Variants in TRIP12 observed in about 807,000 individuals in gnomAD.
TRIP12 encodes E3 ubiquitin-protein ligase TRIP12.
In TRIP12, 25 loss-of-function variants were observed where a neutral mutation model predicts 244.2. That is an observed-to-expected ratio of 0.10 (90% CI 0.07 to 0.14). The LOEUF is 0.14. Among genes scored for constraint, TRIP12 ranks in the 10% least tolerant of loss-of-function variants. The pLI is 1.00. For missense variants in TRIP12, 1,677 were observed against 2,486.4 expected (o/e 0.67, Z 6.92); for synonymous variants, 905 against 873.1 (o/e 1.04, Z -0.64).
intron 2 of TRIP12, among the ~76,000 whole-genome samples, chr2:229,876,603 C>A (rs1302570359): frequency 1.3e-5 from 2 of 152,174 alleles, no homozygotes; most frequent in Non-Finnish European, 2.9e-5. Context: ...CTACTTAAAC[C>A]AACACATCTT....
intron 1 of TRIP12, among the ~76,000 whole-genome samples, chr2:229,909,512 T>C (rs1262311820): frequency 5.9e-5 from 9 of 151,462 alleles, no homozygotes; most frequent in Admixed American, 5.9e-4. Context: ...GAGCAGTGAC[T>C]GTGCCACTGG....
intron 4 of TRIP12, among the ~76,000 whole-genome samples, chr2:229,845,665 CA>C (rs1390936306): frequency 1.3e-5 from 2 of 151,922 alleles, no homozygotes; most frequent in African/African-American, 4.8e-5. Context: ...GGGTAGATAT[CA>C]AAAAAATTGC....
chr2:229,864,195 T>C (rs1051308195), intron 2 of TRIP12, among the ~76,000 whole-genome samples: 34 of 152,140 alleles, frequency 2.2e-4, no homozygotes, highest in Non-Finnish European at 4.9e-4. Flanking sequence ...GGCTGATATG[T>C]TAAAAATAAG....
At chr2:229,874,059 A>C (rs1223521631) in intron 2 of TRIP12, among the ~76,000 whole-genome samples, 2 of 151,962 alleles carry the variant, frequency 1.3e-5, no homozygotes, top group East Asian at 1.9e-4. Flanking sequence ...TAAAAAAAAA[A>C]CAGAAAAAAA....
At chr2:229,887,167 C>T (rs1365371708) in intron 1 of TRIP12, among the ~76,000 whole-genome samples, 5 of 152,118 alleles carry the variant, frequency 3.3e-5, no homozygotes, top group Non-Finnish European at 5.9e-5. Context: ...TGATCCTTTG[C>T]CATTTGGTAA....
chr2:229,816,622 G>C (rs943742643), intron 9 of TRIP12, among the ~76,000 whole-genome samples: 11 of 152,266 alleles, frequency 7.2e-5, no homozygotes, highest in African/African-American at 2.4e-4. Context: ...GAGCATACTT[G>C]TGCAAGTCAA....
intron 18 of TRIP12, 88 bp from the exon 19 acceptor site, chr2:229,804,315 T>A: frequency 8.5e-7 from 1 of 1,181,254 alleles, no homozygotes; most frequent in South Asian, 1.6e-5. Flanking sequence ...CAAGCCAGTG[T>A]AATTCTTGAA....
chr2:229,906,734 A>G (rs1215924282), intron 1 of TRIP12, among the ~76,000 whole-genome samples: 1 of 151,834 alleles, frequency 6.6e-6, no homozygotes, highest in Non-Finnish European at 1.5e-5. Flanking sequence ...CAAAAAAAAA[A>G]AAAGAAAAAA....
chr2:229,815,851 A>G (rs1032623786), intron 9 of TRIP12, among the ~76,000 whole-genome samples: 3 of 152,212 alleles, frequency 2.0e-5, no homozygotes, highest in Non-Finnish European at 2.9e-5. Context: ...GAAACTAATT[A>G]TGCACTAATT....
chr2:229,853,139 T>C (rs941396782), intron 4 of TRIP12, among the ~76,000 whole-genome samples: 5 of 152,154 alleles, frequency 3.3e-5, no homozygotes, highest in African/African-American at 1.2e-4. Flanking sequence ...AGTCTTTACC[T>C]AAGGAAACAC....
intron 2 of TRIP12, among the ~76,000 whole-genome samples, chr2:229,863,179 C>T (rs542777934): frequency 3.4e-5 from 5 of 148,896 alleles, no homozygotes; most frequent in African/African-American, 7.4e-5. Flanking sequence ...CAGTGAGCCG[C>T]GATCGTGTCA....
chr2:229,809,701 TC>T (rs1273906491), intron 15 of TRIP12, among the ~76,000 whole-genome samples: 1 of 152,004 alleles, frequency 6.6e-6, no homozygotes, highest in Non-Finnish European at 1.5e-5. Context: ...AGCACTTTCT[TC>T]AGGACCACTC....
chr2:229,870,489 T>G (rs1309315973), intron 2 of TRIP12, among the ~76,000 whole-genome samples: 1 of 152,216 alleles, frequency 6.6e-6, no homozygotes, highest in South Asian at 2.1e-4. Context: ...AATGTTACAG[T>G]GCTTTGGGAT....
At chr2:229,813,804 A>C (rs1215328419) in intron 13 of TRIP12, 66 bp downstream of exon 13, 1 of 1,161,518 alleles carries the variant, frequency 8.6e-7, no homozygotes, top group East Asian at 3.3e-5. Context: ...AAATAAAATA[A>C]AATATAAAAT....
chr2:229,863,566 G>A (rs1465573763), intron 2 of TRIP12, among the ~76,000 whole-genome samples: 2 of 152,136 alleles, frequency 1.3e-5, no homozygotes, highest in South Asian at 2.1e-4. Flanking sequence ...CAGCCCATGC[G>A]CTATAGTTTT....
rs533339544 is a variant in TRIP12, at chr2:229,915,709, T to A, written c.-50+6171A>T. On this transcript the variant is annotated intron_variant, in intron 1 of 41. Coordinates refer to ENST00000675903, the MANE Select transcript of TRIP12 (RefSeq NM_001348323.3). ...TTGTATACTAAAAAAAAAAAAAAAT[T>A]TTTTGAGACAGGGTCTCACGGTCAC... is the stretch of plus-strand genomic sequence containing the variant. Among the ~76,000 whole-genome samples the A allele has an allele frequency of 1.8e-4, 27 of 151,720 alleles. No homozygotes were observed. In the South Asian group the frequency reaches 4.2e-3, roughly 23 times the overall value.
intron 6 of TRIP12, among the ~76,000 whole-genome samples, chr2:229,833,356 C>A (rs1350482031): frequency 2.2e-4 from 33 of 152,156 alleles, no homozygotes; most frequent in Non-Finnish European, 5.9e-5. Flanking sequence ...GTGCAATTTA[C>A]AGCTCACTGC....
At chr2:229,842,266 T>C (rs1400145589) in intron 4 of TRIP12, among the ~76,000 whole-genome samples, 2 of 152,322 alleles carry the variant, frequency 1.3e-5, no homozygotes, top group African/African-American at 2.4e-5. Flanking sequence ...ATTTTCTACA[T>C]AGCATACTGC....
intron 37 of TRIP12, among the ~76,000 whole-genome samples, chr2:229,776,960 C>T (rs2036451406): frequency 6.6e-6 from 1 of 152,112 alleles, no homozygotes; most frequent in East Asian, 1.9e-4. Flanking sequence ...AATTAAGCTA[C>T]CTTTTTTGAA....
Sources: gnomAD v4.1 joint callset for allele counts (sites outside exome capture counted in the v4.1 genomes callset) on GRCh38, gnomAD v4.1.1 for gene constraint, MANE v1.5 for transcripts, NCBI Gene and HGNC (gene_info 2026-07-23, HGNC 2026-07-21) for gene names.